DNTTIP1: variants seen among roughly 807,000 people sequenced by gnomAD.
The protein encoded by DNTTIP1 is deoxynucleotidyltransferase terminal-interacting protein 1.
Under a neutral mutation model 52.9 loss-of-function variants are expected in DNTTIP1, and 22 were observed. The observed-to-expected ratio is 0.42, with a 90% CI of 0.30 to 0.59. The LOEUF is 0.59. Ranked by LOEUF, DNTTIP1 falls within the 20% of genes least tolerant of loss-of-function variation. The pLI, the probability that DNTTIP1 is intolerant of heterozygous loss-of-function variation, is 0.22. For synonymous variants in DNTTIP1, 136 were observed against 155.1 expected, an observed-to-expected ratio of 0.88 and a Z score of 0.92; for missense variants, 286 against 435.5, an observed-to-expected ratio of 0.66 and a Z score of 3.06.
intron 4 of DNTTIP1, among the ~76,000 whole-genome samples, chr20:45,800,277 G>C (rs568042929): frequency 6.6e-6 from 1 of 152,028 alleles, no homozygotes; most frequent in Non-Finnish European, 1.5e-5. Context: ...TGAGATTCCA[G>C]GTTTTTCTTA....
At chr20:45,804,920 T>C (rs1470034961) in intron 8 of DNTTIP1, among the ~76,000 whole-genome samples, 8 of 152,204 alleles carry the variant, frequency 5.3e-5, no homozygotes, top group African/African-American at 1.9e-4. Flanking sequence ...TCTGTACATA[T>C]GTTGGTGGCA....
chr20:45,804,849 C>T (rs1483790419), intron 8 of DNTTIP1, among the ~76,000 whole-genome samples: 1 of 152,186 alleles, frequency 6.6e-6, no homozygotes, highest in Non-Finnish European at 1.5e-5. Context: ...ACCCTCCCCT[C>T]GGCAGCCCTC....
Position 45,805,324 on chromosome 20 carries a change from C to T in DNTTIP1, c.681C>T (p.Gly227=), listed in dbSNP as rs1270231582. The T allele has an allele frequency of 6.2e-7, 1 of 1,613,976 alleles. No individual in the cohort carries two copies. The highest frequency in any genetic ancestry group is 1.3e-5 in the African/African-American group (1 of 74,898). The change falls in exon 10 of 13, where the codon GGC becomes GGT. Residue 227 remains glycine (G), a synonymous_variant. Coordinates refer to ENST00000372622, the MANE Select transcript of DNTTIP1 (RefSeq NM_052951.3). ...SRANKALGMG[G]TRGRIYIKHP... is the part of the protein sequence containing the mutation. ...TTTTCAGAGCCCTGGGGATGGGGGG[C>T]ACCAGAGGAAGAATCTACATCAAGC...
chr20:45,796,479 C>CA (rs922951316), intron 4 of DNTTIP1: 4 of 465,138 alleles, frequency 8.6e-6, no homozygotes, highest in Non-Finnish European at 1.8e-5. Context: ...ATCAAGTTAT[C>CA]ATGGCCCCAT....
chr20:45,803,364 C>G lies in DNTTIP1; in HGVS notation c.589C>G (p.Arg197Gly). The change falls in exon 8 of 13, where the codon CGG (arginine) becomes GGG (glycine). Residue 197 changes from arginine to glycine, a missense_variant. Physicochemically the swap from Arg to Gly is moderately radical, Grantham distance 125. Transcript: ENST00000372622. ...WKPKSCEPIR[R>G]EGPKWDPARL... ...ACCAAAATCCTGTGAACCAATTCGC[C>G]GGGAAGGCCCCAAGGTATGATTATG... 1 of 1,614,108 alleles carries G rather than the reference C, an allele frequency of 6.2e-7. No individual in the cohort carries two copies. Among genetic ancestry groups the G allele is most frequent in the Non-Finnish European group, 8.5e-7 (1 of 1,180,010 alleles).
chr20:45,801,845 T>C (rs1442902026), intron 6 of DNTTIP1, among the ~76,000 whole-genome samples, 154 bp from the exon 7 acceptor site: 1 of 152,190 alleles, frequency 6.6e-6, no homozygotes, highest in East Asian at 1.9e-4. Context: ...CTTTTGAGCC[T>C]TCCTAGACAT....
chr20:45,801,397 T>C lies in DNTTIP1; in HGVS notation c.442-5T>C. 1.2e-6 allele frequency: 2 copies of C among 1,614,126 alleles called. No individual in the cohort carries two copies. Among genetic ancestry groups the C allele is most frequent in the Non-Finnish European group, 1.7e-6 (2 of 1,180,008 alleles). Reference sequence around the variant, plus strand: ...TTCCACTGACTCCCTTCCCTTTTCTTTTAGCGTGGCCGTCAGGCAGAAGAA... The same window carrying C: ...TTCCACTGACTCCCTTCCCTTTTCTCTTAGCGTGGCCGTCAGGCAGAAGAA... On this transcript the variant is annotated splice_polypyrimidine_tract_variant and splice_region_variant and intron_variant, in intron 5 of 12. Transcript: ENST00000372622.
intron 10 of DNTTIP1, among the ~76,000 whole-genome samples, chr20:45,807,985 C>T (rs968727152): frequency 2.0e-5 from 3 of 151,920 alleles, no homozygotes; most frequent in Non-Finnish European, 4.4e-5. Flanking sequence ...CTTCACTCCT[C>T]GATTTTTTTT....
intron 8 of DNTTIP1, 77 bp from the exon 9 acceptor site, chr20:45,805,069 G>T: frequency 7.9e-7 from 1 of 1,258,818 alleles, no homozygotes; most frequent in Non-Finnish European, 1.2e-6. Context: ...GGTTAGAAAA[G>T]GGTAGGGGGA....
chr20:45,796,825 TACTC>T (rs1981255871), intron 4 of DNTTIP1, among the ~76,000 whole-genome samples: 1 of 152,186 alleles, frequency 6.6e-6, no homozygotes. Flanking sequence ...GTCCTCAACT[TACTC>T]AGCTTCTCAG....
At chr20:45,794,066 G>T (rs6032545) in intron 3 of DNTTIP1, 49 bp downstream of exon 3, 760,315 of 1,220,348 alleles carry the variant, frequency 0.62, 243,082 homozygotes, top group Admixed American at 0.73. Flanking sequence ...CTCATGAGGA[G>T]CCCAGTCCTT....
intron 3 of DNTTIP1, among the ~76,000 whole-genome samples, 184 bp downstream of exon 3, chr20:45,794,201 T>A (rs1318158180): frequency 6.6e-6 from 1 of 152,190 alleles, no homozygotes; most frequent in African/African-American, 2.4e-5. Flanking sequence ...CAGGCTGGAG[T>A]GCAGTGGCAC....
intron 10 of DNTTIP1, among the ~76,000 whole-genome samples, chr20:45,806,860 T>G (rs1032222382): frequency 6.6e-6 from 1 of 152,200 alleles, no homozygotes; most frequent in South Asian, 2.1e-4. Context: ...GACTATTCTT[T>G]AAGATCCACC....
intron 10 of DNTTIP1, among the ~76,000 whole-genome samples, chr20:45,806,364 A>AAAAAAT (rs1981647400): frequency 6.6e-6 from 1 of 151,706 alleles, no homozygotes; most frequent in Admixed American, 6.6e-5. Flanking sequence ...TCAAAAAAAA[A>AAAAAAT]AAAATAGAGT....
intron 10 of DNTTIP1, among the ~76,000 whole-genome samples, chr20:45,807,508 T>C (rs1981687034): frequency 6.6e-6 from 1 of 152,250 alleles, no homozygotes; most frequent in African/African-American, 2.4e-5. Flanking sequence ...CTGCCTGTTA[T>C]ATCTTTTGCC....
In DNTTIP1 at chr20:45,811,206, C is replaced by T. The variant is rs1981837788; in HGVS notation, c.*11C>T. On this transcript the variant is annotated 3_prime_UTR_variant, in exon 13 of 13. Transcript: ENST00000372622. The stretch of plus-strand genomic sequence containing the variant: ...CCTCCACAGACCTGAGGCCGGGTCC[C>T]CTGGCCACACTTGGCAGCCCTCCTC... The T allele has an allele frequency of 6.3e-7, 1 of 1,594,848 alleles. No homozygotes were observed. The highest frequency in any genetic ancestry group is 1.1e-5 in the South Asian group (1 of 87,590).
Position 45,800,692 on chromosome 20 carries a change from AAAATATATATATATATAT to A in DNTTIP1, c.373-380_373-363del, listed in dbSNP as rs1981416856. ...TCCATCTCAATTTAAAAAAAAAAAA[AAAATATATATATATATAT>A]ATATATATATATATATATATATATA... On this transcript the variant is annotated intron_variant, in intron 4 of 12. Coordinates refer to ENST00000372622, the MANE Select transcript of DNTTIP1 (RefSeq NM_052951.3). Among the ~76,000 whole-genome samples the A allele has an allele frequency of 2.8e-4, 9 of 32,656 alleles. 3 individuals carry two copies. Among genetic ancestry groups the A allele is most frequent in the Admixed American group, 1.2e-3 (3 of 2,442 alleles). 21.4% of individuals were successfully genotyped at this position (32,656 alleles called of 152,430 possible).
At chr20:45,796,715 C>T in intron 4 of DNTTIP1, 2 of 369,770 alleles carry the variant, frequency 5.4e-6, no homozygotes, top group South Asian at 2.0e-5. Flanking sequence ...TATTCATTCT[C>T]TTCACTTTGT....
At position 45,809,838 on chromosome 20, in the gene DNTTIP1, A is replaced by G. The variant is rs1981767077; in HGVS notation, c.795+653A>G. ...TAAGTGCCTTACAAACTGATATGCCATCTCCTTTCTGGCAGTGAGAGCTAC... is the reference window on the plus strand; with the variant it reads ...TAAGTGCCTTACAAACTGATATGCCGTCTCCTTTCTGGCAGTGAGAGCTAC... On this transcript the variant is annotated intron_variant, in intron 11 of 12. Coordinates refer to ENST00000372622, the MANE Select transcript of DNTTIP1 (RefSeq NM_052951.3). This position sits in a 1 kb window ranked among gnomAD's most constrained non-coding sequence, Gnocchi z 4.2. Among the ~76,000 whole-genome samples the G allele has an allele frequency of 6.6e-6, 1 of 152,320 alleles. No individual in the cohort carries two copies. Among genetic ancestry groups the G allele is most frequent in the Middle Eastern group, 3.4e-3 (1 of 294 alleles).
Sources: allele counts gnomAD v4.1 joint callset (sites outside exome capture counted in the v4.1 genomes callset), GRCh38; gene constraint gnomAD v4.1.1; non-coding constraint Gnocchi (gnomAD v3.1); transcripts MANE v1.5; gene names NCBI Gene and HGNC (gene_info 2026-07-23, HGNC 2026-07-21).